SMAD3: variants seen among roughly 807,000 people sequenced by gnomAD.
SMAD3 encodes the protein MAD homolog 3.
Under a neutral mutation model 51.8 loss-of-function variants are expected in SMAD3, and 12 were observed. That is an observed-to-expected ratio of 0.23 (90% CI 0.15 to 0.38). The LOEUF is 0.38. SMAD3 is among the 10% of genes least tolerant of loss of function. The pLI, the probability that SMAD3 is intolerant of heterozygous loss-of-function variation, is 1.00. For missense variants in SMAD3, 294 were observed against 565.6 expected (o/e 0.52, Z 4.87); for synonymous variants, 238 against 227.7 (o/e 1.05, Z -0.41).
chr15:67,074,157 C>A (rs1406573269), intron 1 of SMAD3, among the ~76,000 whole-genome samples: 1 of 152,216 alleles, frequency 6.6e-6, no homozygotes, highest in African/African-American at 2.4e-5. Context: ...TTCCTTGCCT[C>A]TTCCTTACTC....
intron 1 of SMAD3, among the ~76,000 whole-genome samples, chr15:67,115,709 C>T (rs140617030): frequency 4.3e-4 from 65 of 152,240 alleles, no homozygotes; most frequent in African/African-American, 1.3e-3. Context: ...GTGGCATTAA[C>T]TCATTTGTTC....
chr15:67,151,006 C>T (rs756003753), intron 1 of SMAD3, among the ~76,000 whole-genome samples: 2 of 151,274 alleles, frequency 1.3e-5, no homozygotes, highest in Non-Finnish European at 2.9e-5. Context: ...CAGGTGCCCA[C>T]CACCATGCCT....
chr15:67,164,485 A>G (rs113139162), intron 1 of SMAD3, among the ~76,000 whole-genome samples: 1 of 151,968 alleles, frequency 6.6e-6, no homozygotes, highest in Middle Eastern at 3.4e-3. Context: ...TGCCTAAAGA[A>G]CTCTCATTGT....
chr15:67,148,452 C>T (rs866562067), intron 1 of SMAD3, among the ~76,000 whole-genome samples: 1 of 152,170 alleles, frequency 6.6e-6, no homozygotes, highest in African/African-American at 2.4e-5. Context: ...TATTGCAAAT[C>T]GCTGTATTTA....
At chr15:67,185,692 G>A (rs1463082336) in intron 7 of SMAD3, among the ~76,000 whole-genome samples, 1 of 152,166 alleles carries the variant, frequency 6.6e-6, no homozygotes, top group Non-Finnish European at 1.5e-5. Flanking sequence ...GGTTTGGACA[G>A]GGCCACGCCT....
At chr15:67,093,886 G>A (rs549156953) in intron 1 of SMAD3, among the ~76,000 whole-genome samples, 1 of 152,358 alleles carries the variant, frequency 6.6e-6, no homozygotes, top group Admixed American at 6.5e-5. Context: ...TCTGTGAAGT[G>A]GTGCGGACGT....
At chr15:67,179,426 C>T (rs930364259) in intron 5 of SMAD3, among the ~76,000 whole-genome samples, 1 of 152,070 alleles carries the variant, frequency 6.6e-6, no homozygotes, top group Admixed American at 6.5e-5. Flanking sequence ...CCCACCCATC[C>T]ACCCACCCAA....
intron 1 of SMAD3, among the ~76,000 whole-genome samples, chr15:67,152,645 G>C (rs1962178280): frequency 6.6e-6 from 1 of 152,162 alleles, no homozygotes; most frequent in African/African-American, 2.4e-5. Context: ...CCATTGTCAG[G>C]CCTAATTTTC....
chr15:67,175,783 C>T (rs547028850), intron 5 of SMAD3, among the ~76,000 whole-genome samples: 1 of 152,324 alleles, frequency 6.6e-6, no homozygotes, highest in South Asian at 2.1e-4. Flanking sequence ...CGAAGACCAC[C>T]AGCCCTGAGT....
intron 1 of SMAD3, among the ~76,000 whole-genome samples, chr15:67,140,757 G>T (rs571330011): frequency 2.0e-5 from 3 of 152,194 alleles, no homozygotes; most frequent in South Asian, 2.1e-4. Flanking sequence ...AAGGAGTGAC[G>T]CCTTCCCCTT....
At chr15:67,102,396 C>G (rs1960781603) in intron 1 of SMAD3, among the ~76,000 whole-genome samples, 1 of 152,128 alleles carries the variant, frequency 6.6e-6, no homozygotes, top group Non-Finnish European at 1.5e-5. Flanking sequence ...CATACACATA[C>G]AGCAGTCATG....
intron 8 of SMAD3, among the ~76,000 whole-genome samples, chr15:67,189,513 C>T (rs1294722564): frequency 2.6e-5 from 4 of 152,250 alleles, no homozygotes; most frequent in South Asian, 2.1e-4. Context: ...ACCGCGTCAC[C>T]GCTGCCTGGC....
At chr15:67,083,142 A>G (rs1323081448) in intron 1 of SMAD3, among the ~76,000 whole-genome samples, 1 of 152,230 alleles carries the variant, frequency 6.6e-6, no homozygotes. Context: ...GCATGAAACC[A>G]GACGAAGTTG....
At chr15:67,189,494 CTG>C (rs983869002) in intron 8 of SMAD3, among the ~76,000 whole-genome samples, 3 of 152,246 alleles carry the variant, frequency 2.0e-5, no homozygotes, top group African/African-American at 2.4e-5. Context: ...ACCCAGTCCT[CTG>C]TGGCCCACCG....
Position 67,065,836 on chromosome 15 carries a change from TC to T in SMAD3, c.-318del. On this transcript the variant is annotated 5_prime_UTR_variant, in exon 1 of 9. Coordinates refer to ENST00000327367, the MANE Select transcript of SMAD3 (RefSeq NM_005902.4). ...GCTACCCCGTGCGGAAACCCAAACT[TC>T]TGCTGCCACTTGGAGTCTCGCGGCC... 1 of 214,016 alleles carries T rather than the reference TC, an allele frequency of 4.7e-6. No homozygotes were observed. Among genetic ancestry groups the T allele is most frequent in the South Asian group, 1.9e-4 (1 of 5,386 alleles). The allele number at this position is 214,016 out of a possible 1,614,324, so 13.3% of individuals were successfully genotyped here. A position where few individuals can be genotyped will look rare whatever the true frequency, so the allele number is the denominator to read the frequency against.
intron 1 of SMAD3, among the ~76,000 whole-genome samples, chr15:67,149,628 G>A (rs1962075249): frequency 6.6e-6 from 1 of 152,070 alleles, no homozygotes; most frequent in African/African-American, 2.4e-5. Flanking sequence ...GCTGTCTTAG[G>A]TGAATTGCCC....
At chr15:67,164,698 C>T (rs1237214900) in intron 1 of SMAD3, among the ~76,000 whole-genome samples, 197 bp from the exon 2 acceptor site, 2 of 152,198 alleles carry the variant, frequency 1.3e-5, no homozygotes, top group African/African-American at 2.4e-5. Flanking sequence ...GGAGTCCTCA[C>T]GGGGCCTTTG....
At chr15:67,187,298 A>G (rs111519518) in intron 7 of SMAD3, 67 bp from the exon 8 acceptor site, 22 of 1,601,170 alleles carry the variant, frequency 1.4e-5, no homozygotes, top group African/African-American at 1.3e-4. Context: ...GACTTGCTTT[A>G]TCCAGGAGGG....
chr15:67,088,361 A>G (rs1248987436), intron 1 of SMAD3, among the ~76,000 whole-genome samples: 2 of 152,182 alleles, frequency 1.3e-5, no homozygotes, highest in Non-Finnish European at 2.9e-5. Context: ...AGGGAAGCCC[A>G]CTATAGAAAC....
Sources: allele counts gnomAD v4.1 joint callset (sites outside exome capture counted in the v4.1 genomes callset), GRCh38; gene constraint gnomAD v4.1.1; transcripts MANE v1.5; gene names NCBI Gene and HGNC (gene_info 2026-07-23, HGNC 2026-07-21).